Variants in SLC12A2 observed in about 807,000 individuals in gnomAD.
SLC12A2 encodes Na-K-2Cl cotransporter 1.
SLC12A2 carries 67 observed loss-of-function variants against 136.3 expected under a neutral mutation model. The observed-to-expected ratio is 0.49, with a 90% CI of 0.40 to 0.60. The LOEUF (loss-of-function observed/expected upper bound fraction) is 0.60. SLC12A2 is among the 20% of genes least tolerant of loss of function. The pLI is 0.00. For missense variants in SLC12A2, 1,322 were observed against 1,534.7 expected (o/e 0.86, Z 2.32); for synonymous variants, 619 against 562.9 (o/e 1.10, Z -1.41).
At chr5:128,124,242 T>TC (rs1761695163) in intron 4 of SLC12A2, among the ~76,000 whole-genome samples, 1 of 152,234 alleles carries the variant, frequency 6.6e-6, no homozygotes, top group African/African-American at 2.4e-5. Context: ...TGTGTGGGTT[T>TC]TCCCCACACA....
chr5:128,110,103 C>T, intron 1 of SLC12A2: 1 of 944,732 alleles, frequency 1.1e-6, no homozygotes, highest in African/African-American at 1.5e-5. Flanking sequence ...TCATGGTGAA[C>T]ATGTAGGTTT....
Position 128,135,784 on chromosome 5 carries a change from C to A in SLC12A2, c.1384C>A (p.Pro462Thr), listed in dbSNP as rs760485260. The A allele has an allele frequency of 1.9e-6, 3 of 1,607,072 alleles. No homozygotes were observed. The highest frequency in any genetic ancestry group is 1.7e-6 in the Non-Finnish European group (2 of 1,174,526). The change falls in exon 7 of 27, where the codon CCA becomes ACA. Residue 462 changes from proline (P) to threonine (T), a missense_variant. By Grantham distance (38) the Pro-to-Thr change is conservative. Coordinates refer to ENST00000262461, the MANE Select transcript of SLC12A2 (RefSeq NM_001046.3). The stretch of plus-strand genomic sequence containing the variant: ...ATTTATCCCACTGGAGAGCAAGAAG[C>A]CAAAAGGGTTTTTTGGTTATAAATG... ...GTFIPLESKKPKGFFGYKSEI... is the reference protein window; with the variant it reads ...GTFIPLESKKTKGFFGYKSEI...
rs1339806469 is a variant in SLC12A2 at position 128,096,942 on chromosome 5, T to C, written c.756+12232T>C. On this transcript the variant is annotated intron_variant, in intron 1 of 26. Transcript: ENST00000262461. ...GCAGTCTGTAATAACCCTTTAGATA[T>C]AAGAACAGGACCTGAATTTCAATCA... 2.0e-5 allele frequency among the ~76,000 whole-genome samples: 3 copies of C among 152,038 alleles called. No homozygotes were observed. In the East Asian group the frequency reaches 5.8e-4, roughly 29 times the overall value.
At chr5:128,164,948 T>G (rs1293443073) in intron 17 of SLC12A2, among the ~76,000 whole-genome samples, 1 of 151,202 alleles carries the variant, frequency 6.6e-6, no homozygotes, top group African/African-American at 2.4e-5. Flanking sequence ...GCTCAAGTGA[T>G]CCTCCCACCT....
Position 128,186,768 on chromosome 5 carries a change from C to A in SLC12A2, c.*137C>A. The A allele has an allele frequency of 1.1e-6, 1 of 933,742 alleles. No homozygotes were observed. Among genetic ancestry groups the A allele is most frequent in the African/African-American group, 1.6e-5 (1 of 61,062 alleles). 57.8% of individuals were successfully genotyped at this position (933,742 alleles called of 1,614,324 possible). ...ACGATTTCATTAATTTGAAAGCACA[C>A]AGGAAAGTTGCTCCATTGATAACGT... is the stretch of plus-strand genomic sequence containing the variant. On this transcript the variant is annotated 3_prime_UTR_variant, in exon 27 of 27. Coordinates refer to ENST00000262461, the MANE Select transcript of SLC12A2 (RefSeq NM_001046.3).
At chr5:128,105,398 G>T (rs1170775789) in intron 1 of SLC12A2, among the ~76,000 whole-genome samples, 1 of 152,204 alleles carries the variant, frequency 6.6e-6, no homozygotes, top group Admixed American at 6.5e-5. Context: ...CTGGGTAGAA[G>T]AGTGTGTTGT....
Position 128,178,702 on chromosome 5 carries a change from AT to A in SLC12A2, c.3100+20del. 3 of 1,527,588 alleles carry A rather than the reference AT, an allele frequency of 2.0e-6. No homozygotes were observed. Among genetic ancestry groups the A allele is most frequent in the Non-Finnish European group, 1.8e-6 (2 of 1,139,416 alleles). 94.6% of individuals were successfully genotyped at this position (1,527,588 alleles called of 1,614,324 possible). A position where few individuals can be genotyped will look rare whatever the true frequency, so the allele number is the denominator to read the frequency against. ...TTTGATGATGGAGGTAAGGTTGTTA[AT>A]TTTTTTAAAATGATTTTAAATTTAC... On this transcript the variant is annotated intron_variant, in intron 22 of 26. Coordinates refer to ENST00000262461, the MANE Select transcript of SLC12A2 (RefSeq NM_001046.3).
intron 19 of SLC12A2, among the ~76,000 whole-genome samples, chr5:128,172,273 T>C (rs185178): frequency 0.97 from 148,382 of 152,306 alleles, 72,315 homozygotes; most frequent in East Asian, 1. Context: ...CCTCTGTACC[T>C]TTCATCCAGT....
intron 6 of SLC12A2, among the ~76,000 whole-genome samples, chr5:128,135,060 A>T (rs1762141538): frequency 6.6e-6 from 1 of 152,132 alleles, no homozygotes; most frequent in African/African-American, 2.4e-5. Flanking sequence ...CACCTGGGAC[A>T]TGATTAGCAT....
At chr5:128,167,714 T>A (rs758401970) in intron 17 of SLC12A2, 47 bp from the exon 18 acceptor site, 2 of 1,333,808 alleles carry the variant, frequency 1.5e-6, no homozygotes, top group South Asian at 2.6e-5. Context: ...GAAAACATTT[T>A]GTTGAAAATA....
At chr5:128,127,337 G>A (rs1761852269) in intron 4 of SLC12A2, among the ~76,000 whole-genome samples, 2 of 151,648 alleles carry the variant, frequency 1.3e-5, no homozygotes, top group Admixed American at 6.6e-5. Flanking sequence ...TAGCCAGGAT[G>A]GTCTCCATCT....
intron 9 of SLC12A2, among the ~76,000 whole-genome samples, chr5:128,140,021 CGG>C (rs1561682441): frequency 4.6e-5 from 7 of 151,954 alleles, no homozygotes; most frequent in Non-Finnish European, 1.0e-4. Flanking sequence ...TTTTTTGAGA[CGG>C]AGTCTCACTC....
At chr5:128,088,654 A>G (rs1760193223) in intron 1 of SLC12A2, among the ~76,000 whole-genome samples, 2 of 152,186 alleles carry the variant, frequency 1.3e-5, no homozygotes, top group Admixed American at 6.5e-5. Flanking sequence ...TAGCATTACC[A>G]TTGCAGTTGT....
intron 4 of SLC12A2, among the ~76,000 whole-genome samples, chr5:128,130,755 C>G (rs991875429): frequency 1.3e-5 from 2 of 151,964 alleles, no homozygotes; most frequent in African/African-American, 2.4e-5. Context: ...GAAATGATCT[C>G]TTGGGATCTG....
chr5:128,171,084 A>G (rs1312058755), intron 18 of SLC12A2: 1 of 150,252 alleles, frequency 6.7e-6, no homozygotes, highest in African/African-American at 2.5e-5. Flanking sequence ...CAACAGAGCG[A>G]GACTCTGTCT....
At chr5:128,137,476 T>C (rs1762223496) in intron 7 of SLC12A2, among the ~76,000 whole-genome samples, 1 of 152,234 alleles carries the variant, frequency 6.6e-6, no homozygotes, top group Non-Finnish European at 1.5e-5. Context: ...CTCTCTCTCA[T>C]TTGTTATTCA....
chr5:128,085,879 G>T (rs1268074493), intron 1 of SLC12A2, among the ~76,000 whole-genome samples: 2 of 152,176 alleles, frequency 1.3e-5, no homozygotes, highest in African/African-American at 2.4e-5. Context: ...AAAAGCCTGA[G>T]ATCATTTAGC....
rs1000520533 is a variant in SLC12A2, at chr5:128,187,353, G to C, written c.*722G>C. 79 of 151,872 alleles carry C rather than the reference G, an allele frequency of 5.2e-4. No individual in the cohort carries two copies. The highest frequency in any genetic ancestry group is 1.9e-3 in the African/African-American group (77 of 41,356). 9.4% of individuals were successfully genotyped at this position (151,872 alleles called of 1,614,324 possible). On this transcript the variant is annotated 3_prime_UTR_variant, in exon 27 of 27. Transcript: ENST00000262461. ...TTTATTATTATTTATTGAAACCTTAGGGAAGATTGAAGATTCATCCCATAC... is the reference window on the plus strand; with the variant it reads ...TTTATTATTATTTATTGAAACCTTACGGAAGATTGAAGATTCATCCCATAC...
intron 17 of SLC12A2, among the ~76,000 whole-genome samples, chr5:128,164,457 C>G (rs1050950730): frequency 1.3e-5 from 2 of 152,136 alleles, no homozygotes; most frequent in African/African-American, 4.8e-5. Flanking sequence ...GACTGACTTT[C>G]TAGCAGAGCT....
Sources: allele counts gnomAD v4.1 joint callset (sites outside exome capture counted in the v4.1 genomes callset), GRCh38; gene constraint gnomAD v4.1.1; transcripts MANE v1.5; gene names NCBI Gene and HGNC (gene_info 2026-07-23, HGNC 2026-07-21).